The following CPEB4 variants were observed in gnomAD, a reference collection of about 807,000 sequenced individuals.
The protein encoded by CPEB4 is cytoplasmic polyadenylation element-binding protein 4.
In CPEB4, 12 loss-of-function variants were observed where a neutral mutation model predicts 72.5. The ratio of observed to expected loss-of-function variants is 0.17; its 90% CI spans 0.11 to 0.27. The LOEUF is 0.27. Among genes scored for constraint, CPEB4 ranks in the 10% least tolerant of loss-of-function variants. The pLI, the probability that CPEB4 is intolerant of heterozygous loss-of-function variation, is 1.00. For synonymous variants in CPEB4, 302 were observed against 326.3 expected (o/e 0.93, Z 0.80); for missense variants, 614 against 908.5 (o/e 0.68, Z 4.17).
intron 1 of CPEB4, chr5:173,891,620 A>G (rs1011684384): frequency 6.6e-6 from 1 of 152,244 alleles, no homozygotes; most frequent in Admixed American, 6.5e-5. Context: ...AAATAGATCC[A>G]GGCAAAGATC....
rs1455984859 is a variant in CPEB4 at position 173,900,163 on chromosome 5, C to T, written c.1125+9305C>T. Reference sequence around the variant, plus strand: ...GCTCACGCCTGTAATCCCAGCACTGCGAGAGGCTGAGGTGGGCGGATCACC... The same window carrying T: ...GCTCACGCCTGTAATCCCAGCACTGTGAGAGGCTGAGGTGGGCGGATCACC... On this transcript the variant is annotated intron_variant, in intron 1 of 9. Coordinates refer to ENST00000265085, the MANE Select transcript of CPEB4 (RefSeq NM_030627.4). The surrounding 1 kb of genome is among the most constrained non-coding windows in gnomAD (Gnocchi z 4.4). Among the ~76,000 whole-genome samples the T allele has an allele frequency of 2.0e-5, 3 of 152,098 alleles. No individual in the cohort carries two copies. The highest frequency in any genetic ancestry group is 1.9e-4 in the East Asian group (1 of 5,170).
chr5:173,909,691 T>C (rs1182958698), intron 1 of CPEB4, among the ~76,000 whole-genome samples: 1 of 152,212 alleles, frequency 6.6e-6, no homozygotes, highest in African/African-American at 2.4e-5. Flanking sequence ...ATTTTTATTT[T>C]CTTAAAATAA....
intron 2 of CPEB4, among the ~76,000 whole-genome samples, chr5:173,911,686 T>G (rs996199825): frequency 6.6e-6 from 1 of 150,652 alleles, no homozygotes; most frequent in Non-Finnish European, 1.5e-5. Flanking sequence ...AGCAGGTTTT[T>G]TTTTTTTTTT....
rs1755744788 is a variant in CPEB4 at position 173,889,939 on chromosome 5, A to T, written c.206A>T (p.Asn69Ile). ...CTTTTTCCTGCTCCAGCTACCCATA[A>T]CATTCAGGATGAGATCTTGGGGTCA... ...AWLFPAPATH[N>I]IQDEILGSEK... The change falls in exon 1 of 10, where the codon AAC (asparagine) becomes ATC (isoleucine). Residue 69 changes from asparagine (N) to isoleucine (I), a missense_variant. Coordinates refer to ENST00000265085, the MANE Select transcript of CPEB4 (RefSeq NM_030627.4). The T allele has an allele frequency of 6.2e-7, 1 of 1,614,098 alleles. No individual in the cohort carries two copies.
chr5:173,915,039 A>C (rs1756816306), intron 2 of CPEB4, among the ~76,000 whole-genome samples: 1 of 152,178 alleles, frequency 6.6e-6, no homozygotes, highest in Non-Finnish European at 1.5e-5. Context: ...TGTGGCTATT[A>C]TTAACTTAAA....
chr5:173,930,002 C>G (rs1397146255), intron 2 of CPEB4, among the ~76,000 whole-genome samples: 2 of 151,264 alleles, frequency 1.3e-5, no homozygotes, highest in African/African-American at 4.9e-5. Flanking sequence ...TACAGAAAAT[C>G]AGCTGCTACT....
At chr5:173,943,793 A>AT (rs1274385185) in intron 4 of CPEB4, among the ~76,000 whole-genome samples, 2 of 152,176 alleles carry the variant, frequency 1.3e-5, no homozygotes, top group African/African-American at 4.8e-5. Flanking sequence ...ATATACTGTT[A>AT]TTATTTGTGT....
At chr5:173,916,455 G>A (rs1756872298) in intron 2 of CPEB4, among the ~76,000 whole-genome samples, 1 of 152,180 alleles carries the variant, frequency 6.6e-6, no homozygotes, top group South Asian at 2.1e-4. Flanking sequence ...AGAGGAAGTA[G>A]TGGAAGCATG....
At chr5:173,903,708 A>G (rs970506773) in intron 1 of CPEB4, among the ~76,000 whole-genome samples, 1 of 152,184 alleles carries the variant, frequency 6.6e-6, no homozygotes, top group Non-Finnish European at 1.5e-5. Context: ...GTTTTTCCTG[A>G]TAGGAACAGA....
chr5:173,916,168 G>T (rs1386293221), intron 2 of CPEB4, among the ~76,000 whole-genome samples: 2 of 152,180 alleles, frequency 1.3e-5, no homozygotes, highest in African/African-American at 4.8e-5. Flanking sequence ...CATTATAGTT[G>T]TTCTTCAGAT....
At chr5:173,941,350 A>G (rs1272563856) in intron 3 of CPEB4, among the ~76,000 whole-genome samples, 1 of 152,234 alleles carries the variant, frequency 6.6e-6, no homozygotes, top group Non-Finnish European at 1.5e-5. Flanking sequence ...AAGTGAAAGC[A>G]CAAGTGCTTG....
Position 173,889,711 on chromosome 5 carries a change from G to A in CPEB4, c.-23G>A. 1 of 1,531,626 alleles carries A rather than the reference G, an allele frequency of 6.5e-7. No individual in the cohort carries two copies. Among genetic ancestry groups the A allele is most frequent in the Non-Finnish European group, 8.8e-7 (1 of 1,140,546 alleles). The allele number at this position is 1,531,626 out of a possible 1,614,324, so 94.9% of individuals were successfully genotyped here. A position where few individuals can be genotyped will look rare whatever the true frequency, so the allele number is the denominator to read the frequency against. ...ATCAGGTTGTCATTTTTTATTGTGAGATTCTGCTCCTAAAGATAATAAATG... is the reference window on the plus strand; with the variant it reads ...ATCAGGTTGTCATTTTTTATTGTGAAATTCTGCTCCTAAAGATAATAAATG... On this transcript the variant is annotated 5_prime_UTR_variant, in exon 1 of 10. Coordinates refer to ENST00000265085, the MANE Select transcript of CPEB4 (RefSeq NM_030627.4).
rs918369763 is a variant in CPEB4 at position 173,890,215 on chromosome 5, G to A, written c.482G>A (p.Ser161Asn). ...ACTTCAACCCAACCCTTGACATCTA[G>A]CGCATCGTCTCTTACTGGTTTCAGT... ...LGTSTQPLTS[S>N]ASSLTGFSNW... The change falls in exon 1 of 10, where the codon AGC becomes AAC. Residue 161 changes from serine (S) to asparagine (N), a missense_variant. By Grantham distance (46) the Ser-to-Asn change is conservative. Transcript: ENST00000265085. 4 of 1,614,026 alleles carry A rather than the reference G, an allele frequency of 2.5e-6. No individual in the cohort carries two copies. The South Asian group carries it at 3.3e-5, about 13-fold the overall frequency.
intron 2 of CPEB4, among the ~76,000 whole-genome samples, chr5:173,919,621 A>G (rs1432386105): frequency 6.6e-6 from 1 of 152,206 alleles, no homozygotes; most frequent in Non-Finnish European, 1.5e-5. Context: ...TTTGTTGTCT[A>G]TGAAGGTCTT....
intron 3 of CPEB4, among the ~76,000 whole-genome samples, chr5:173,939,389 G>T (rs1355081785): frequency 6.6e-6 from 1 of 152,040 alleles, no homozygotes; most frequent in East Asian, 1.9e-4. Flanking sequence ...CACCTACTAG[G>T]TGTTTCTTCT....
intron 3 of CPEB4, among the ~76,000 whole-genome samples, chr5:173,935,613 T>G (rs1757593269): frequency 6.6e-6 from 1 of 152,212 alleles, no homozygotes; most frequent in African/African-American, 2.4e-5. Context: ...TTTATTCTCT[T>G]TCTCACATGA....
intron 2 of CPEB4, among the ~76,000 whole-genome samples, chr5:173,921,670 G>A (rs934142542): frequency 1.3e-5 from 2 of 152,182 alleles, no homozygotes; most frequent in African/African-American, 4.8e-5. Context: ...TGTTAGGAGG[G>A]GGAGGCAAGT....
rs756671034 is a variant in CPEB4 at position 173,960,763 on chromosome 5, G to A, written c.*4626G>A. On this transcript the variant is annotated 3_prime_UTR_variant, in exon 10 of 10. Transcript: ENST00000265085. ...ACACTACCAAAGGGCTTGAAAACAAGTCTCTTTTGACTTCCAATTCCCAGT... is the reference window on the plus strand; with the variant it reads ...ACACTACCAAAGGGCTTGAAAACAAATCTCTTTTGACTTCCAATTCCCAGT... The A allele has an allele frequency of 6.6e-6, 1 of 152,182 alleles. No individual in the cohort carries two copies. The highest frequency in any genetic ancestry group is 2.4e-5 in the African/African-American group (1 of 41,430). 9.4% of individuals were successfully genotyped at this position (152,182 alleles called of 1,614,324 possible).
At chr5:173,923,369 TG>T (rs1389913969) in intron 2 of CPEB4, among the ~76,000 whole-genome samples, 19 of 152,228 alleles carry the variant, frequency 1.2e-4, no homozygotes, top group African/African-American at 4.6e-4. Context: ...TTAGATCTCT[TG>T]TGGCTTCTCT....
Sources: gnomAD v4.1 joint callset for allele counts (sites outside exome capture counted in the v4.1 genomes callset) on GRCh38, gnomAD v4.1.1 for gene constraint, Gnocchi (gnomAD v3.1) non-coding constraint, MANE v1.5 for transcripts, NCBI Gene and HGNC (gene_info 2026-07-23, HGNC 2026-07-21) for gene names.